Variants in XRRA1 observed in about 807,000 individuals in gnomAD.
XRRA1 encodes X-ray radiation resistance-associated protein 1.
Under a neutral mutation model 80.2 loss-of-function variants are expected in XRRA1, and 69 were observed. That is an observed-to-expected ratio of 0.86 (90% CI 0.71 to 1.05). XRRA1 has a LOEUF of 1.05. XRRA1 is among the 50% of genes least tolerant of loss of function. The pLI is 0.00. For synonymous variants in XRRA1, 348 were observed against 389.9 expected, an observed-to-expected ratio of 0.89 and a Z score of 1.27; for missense variants, 967 against 976.4, an observed-to-expected ratio of 0.99 and a Z score of 0.13.
intron 3 of XRRA1, among the ~76,000 whole-genome samples, chr11:74,940,538 G>T (rs977787143): frequency 2.0e-5 from 3 of 152,232 alleles, no homozygotes; most frequent in African/African-American, 7.2e-5. Context: ...ATAAGAGCAG[G>T]TTAAACTCAG....
In XRRA1 at chr11:74,843,963, G is replaced by C; in HGVS notation, c.2044-4C>G. 1 of 1,611,924 alleles carries C rather than the reference G, an allele frequency of 6.2e-7. No homozygotes were observed. The highest frequency in any genetic ancestry group is 8.5e-7 in the Non-Finnish European group (1 of 1,178,492). On this transcript the variant is annotated splice_polypyrimidine_tract_variant and splice_region_variant and intron_variant, in intron 17 of 18. Coordinates refer to ENST00000684022, the MANE Select transcript of XRRA1 (RefSeq NM_001378157.1). ...GTGGAATCGGGATTCTCTGGGCCTGGCAGAAGGTCATGGAGGAGGGTGTTA... is the reference window on the plus strand; with the variant it reads ...GTGGAATCGGGATTCTCTGGGCCTGCCAGAAGGTCATGGAGGAGGGTGTTA...
At chr11:74,870,475 G>C (rs1260766662) in intron 10 of XRRA1, among the ~76,000 whole-genome samples, 1 of 152,172 alleles carries the variant, frequency 6.6e-6, no homozygotes, top group African/African-American at 2.4e-5. Flanking sequence ...TGTATGAAAT[G>C]CTGTGGGAAT....
chr11:74,943,717 A>G (rs1946909628), intron 2 of XRRA1, among the ~76,000 whole-genome samples: 1 of 151,902 alleles, frequency 6.6e-6, no homozygotes, highest in African/African-American at 2.4e-5. Context: ...GAAATCTCCT[A>G]TTTGAGAGTC....
At chr11:74,862,952 A>T in intron 11 of XRRA1, 29 bp downstream of exon 11, 1 of 1,550,684 alleles carries the variant, frequency 6.4e-7, no homozygotes, top group Non-Finnish European at 8.8e-7. Context: ...CTAACTCAGG[A>T]ACACAAATAT....
chr11:74,848,533 T>TA, intron 14 of XRRA1, 71 bp from the exon 15 acceptor site: 1 of 1,385,720 alleles, frequency 7.2e-7, no homozygotes, highest in Non-Finnish European at 9.8e-7. Flanking sequence ...CTCACTAGCC[T>TA]AAGGCCACTT....
At chr11:74,858,948 A>G (rs1330732315) in intron 12 of XRRA1, among the ~76,000 whole-genome samples, 1 of 152,202 alleles carries the variant, frequency 6.6e-6, no homozygotes, top group African/African-American at 2.4e-5. Flanking sequence ...AGCCTGGCAC[A>G]TGGTAAGTGC....
chr11:74,890,534 C>G (rs1193291653), intron 10 of XRRA1, among the ~76,000 whole-genome samples: 3 of 151,934 alleles, frequency 2.0e-5, no homozygotes, highest in Admixed American at 6.6e-5. Flanking sequence ...TAGCAGAAGG[C>G]AAGAAATAAC....
chr11:74,869,769 T>A (rs1337515749), intron 10 of XRRA1, among the ~76,000 whole-genome samples: 1 of 152,182 alleles, frequency 6.6e-6, no homozygotes, highest in African/African-American at 2.4e-5. Context: ...GTAAATCAGA[T>A]ACTGCCTCCT....
chr11:74,863,310 C>T (rs1466389179), intron 10 of XRRA1: 5 of 448,284 alleles, frequency 1.1e-5, no homozygotes, highest in Non-Finnish European at 2.0e-5. Context: ...TGATACTCTC[C>T]CTCATTCACT....
In XRRA1 at chr11:74,890,386, G is replaced by A. The variant is rs189973808; in HGVS notation, c.1003+15853C>T. Among the ~76,000 whole-genome samples, 50 of 152,186 alleles carry A rather than the reference G, an allele frequency of 3.3e-4. No homozygotes were observed. In the East Asian group the frequency reaches 9.4e-3, roughly 29 times the overall value. ...AAGACACAACATACCAGAATCCCTG[G>A]GACACATTCAAAGCAGTGTGTAGAG... On this transcript the variant is annotated intron_variant, in intron 10 of 18. Coordinates refer to ENST00000684022, the MANE Select transcript of XRRA1 (RefSeq NM_001378157.1).
chr11:74,860,946 C>T (rs542521813), intron 11 of XRRA1, among the ~76,000 whole-genome samples: 9 of 152,318 alleles, frequency 5.9e-5, no homozygotes, highest in African/African-American at 1.4e-4. Flanking sequence ...GAAAGACTAA[C>T]CATGTGACTA....
intron 10 of XRRA1, among the ~76,000 whole-genome samples, chr11:74,904,816 A>G (rs1425051165): frequency 6.6e-6 from 1 of 151,876 alleles, no homozygotes; most frequent in East Asian, 1.9e-4. Flanking sequence ...GGGATATTTT[A>G]CAACGATTAA....
At chr11:74,863,178 C>T in intron 10 of XRRA1, 157 bp from the exon 11 acceptor site, 1 of 710,212 alleles carries the variant, frequency 1.4e-6, no homozygotes, top group African/African-American at 1.8e-5. Context: ...GGAAGAGGAG[C>T]TGGCTGTGAC....
rs1342335272 is a variant in XRRA1 at position 74,843,187 on chromosome 11, C to T, written c.*13G>A. 2.6e-6 allele frequency: 4 copies of T among 1,549,538 alleles called. No individual in the cohort carries two copies. The highest frequency in any genetic ancestry group is 2.0e-5 in the Admixed American group (1 of 51,076). ...CACAGGCCGGGTGGTGCACACAGCC[C>T]CCATGCACAGCTCTAGCCTTGTGAG... On this transcript the variant is annotated 3_prime_UTR_variant, in exon 19 of 19. Transcript: ENST00000684022.
chr11:74,848,144 T>TG lies in XRRA1; in HGVS notation c.1698dup (p.Lys567GlnfsTer13). On this transcript the variant is annotated frameshift_variant, in exon 15 of 19. Coordinates refer to ENST00000684022, the MANE Select transcript of XRRA1 (RefSeq NM_001378157.1). LOFTEE classifies it high-confidence loss of function. ...GTCAGGAAGATGGACTCTGTGCTCT[T>TG]GGAGTCCTCATCTGATGGGCGCTCT... is the stretch of plus-strand genomic sequence containing the variant. 3 of 1,612,352 alleles carry TG rather than the reference T, an allele frequency of 1.9e-6. No homozygotes were observed. The highest frequency in any genetic ancestry group is 1.1e-5 in the South Asian group (1 of 91,058).
Position 74,848,476 on chromosome 11 carries a change from G to A in XRRA1, c.1381-14C>T. The stretch of plus-strand genomic sequence containing the variant: ...TTCGCTTTTCACCTGTCATGGAGAA[G>A]GGCCAGAATGAATTTGCTTCCTAAT... On this transcript the variant is annotated splice_polypyrimidine_tract_variant and intron_variant, in intron 14 of 18. Coordinates refer to ENST00000684022, the MANE Select transcript of XRRA1 (RefSeq NM_001378157.1). 8.2e-6 allele frequency: 13 copies of A among 1,584,946 alleles called. No homozygotes were observed. Among genetic ancestry groups the A allele is most frequent in the South Asian group, 1.1e-5 (1 of 87,454 alleles).
At chr11:74,927,334 G>T in intron 7 of XRRA1, 57 bp downstream of exon 7, 2 of 880,064 alleles carry the variant, frequency 2.3e-6, no homozygotes, top group Non-Finnish European at 3.5e-6. Flanking sequence ...AAAGCTCTAT[G>T]CTCATTCCTT....
At position 74,843,541 on chromosome 11, in the gene XRRA1, GA is replaced by G. The variant is rs1591456394; in HGVS notation, c.2150-89del. The G allele has an allele frequency of 2.7e-6, 4 of 1,500,804 alleles. No homozygotes were observed. The East Asian group carries it at 7.3e-5, about 27-fold the overall frequency. The allele number at this position is 1,500,804 out of a possible 1,614,324, so 93.0% of individuals were successfully genotyped here. ...AGAGGATTGGGTCCAGAGACCCTTG[GA>G]AAATGGGATGGTGTGGCAGGAGGAT... On this transcript the variant is annotated intron_variant, in intron 18 of 18. Transcript: ENST00000684022.
chr11:74,871,719 G>A (rs1190432849), intron 10 of XRRA1, among the ~76,000 whole-genome samples: 1 of 151,906 alleles, frequency 6.6e-6, no homozygotes, highest in Non-Finnish European at 1.5e-5. Flanking sequence ...TCTTACCCCT[G>A]CAGGAAATGA....
Sources: gnomAD v4.1 joint callset for allele counts (sites outside exome capture counted in the v4.1 genomes callset) on GRCh38, gnomAD v4.1.1 for gene constraint, MANE v1.5 for transcripts, NCBI Gene and HGNC (gene_info 2026-07-23, HGNC 2026-07-21) for gene names.